NRG1: variants seen among roughly 807,000 people sequenced by gnomAD.
NRG1 encodes the protein neuregulin 1, also known as pro-neuregulin-1, membrane-bound isoform.
Under a neutral mutation model 63.8 loss-of-function variants are expected in NRG1, and 18 were observed. That is an observed-to-expected ratio of 0.28 (90% CI 0.19 to 0.42). The LOEUF (loss-of-function observed/expected upper bound fraction) is 0.42. NRG1 is among the 10% of genes least tolerant of loss of function. NRG1 has a pLI of 1.00. For synonymous variants in NRG1, 302 were observed against 301.3 expected (o/e 1.00, Z -0.02); for missense variants, 762 against 814.7 (o/e 0.94, Z 0.79).
chr8:32,225,637 A>T (rs758968349), intron 1 of NRG1, among the ~76,000 whole-genome samples: 5 of 152,172 alleles, frequency 3.3e-5, no homozygotes, highest in Non-Finnish European at 5.9e-5. Context: ...CCTTATATCA[A>T]TATCTGTTAA....
intron 1 of NRG1, among the ~76,000 whole-genome samples, chr8:32,185,832 G>A (rs893251067): frequency 6.6e-5 from 10 of 152,096 alleles, no homozygotes; most frequent in African/African-American, 2.4e-4. Flanking sequence ...TTTCTCCAGT[G>A]AAATAATGAA....
chr8:32,223,078 A>G (rs1385062336), intron 1 of NRG1, among the ~76,000 whole-genome samples: 1 of 152,254 alleles, frequency 6.6e-6, no homozygotes, highest in African/African-American at 2.4e-5. Flanking sequence ...AAAATACAAC[A>G]AAATAGCATG....
At chr8:32,175,429 G>T (rs1431839061) in intron 1 of NRG1, among the ~76,000 whole-genome samples, 1 of 152,146 alleles carries the variant, frequency 6.6e-6, no homozygotes, top group Non-Finnish European at 1.5e-5. Context: ...CACAAGACAG[G>T]GATGCCCTCT....
At chr8:32,042,923 T>A (rs926193579) in intron 1 of NRG1, among the ~76,000 whole-genome samples, 3 of 149,456 alleles carry the variant, frequency 2.0e-5, no homozygotes, top group African/African-American at 7.4e-5. Flanking sequence ...AGGTCTGATA[T>A]GTATGGCTTT....
chr8:32,359,082 G>T (rs1806863398), intron 1 of NRG1, among the ~76,000 whole-genome samples: 1 of 152,056 alleles, frequency 6.6e-6, no homozygotes, highest in African/African-American at 2.4e-5. Flanking sequence ...GAGAGATGGT[G>T]GGTGGACAAT....
chr8:31,726,156 A>G (rs1003543181), intron 1 of NRG1, among the ~76,000 whole-genome samples: 2 of 152,164 alleles, frequency 1.3e-5, no homozygotes, highest in East Asian at 1.9e-4. Flanking sequence ...AGGGGAAAAA[A>G]GAAAAGAACA....
At chr8:32,560,442 A>G (rs577190213) in intron 1 of NRG1, among the ~76,000 whole-genome samples, 9 of 152,344 alleles carry the variant, frequency 5.9e-5, no homozygotes, top group Admixed American at 1.3e-4. Flanking sequence ...AGGTGCCATC[A>G]TGGTGCTGAG....
intron 1 of NRG1, among the ~76,000 whole-genome samples, chr8:31,901,656 C>T (rs924651091): frequency 1.3e-5 from 2 of 152,080 alleles, no homozygotes; most frequent in Admixed American, 6.6e-5. Context: ...AACGAATGAA[C>T]GTAAGAAAAA....
chr8:32,688,422 TA>T, intron 5 of NRG1, among the ~76,000 whole-genome samples: 1 of 152,322 alleles, frequency 6.6e-6, no homozygotes, highest in Admixed American at 6.5e-5. Flanking sequence ...AGCAGCTTTT[TA>T]AAATGGTTAT....
intron 1 of NRG1, among the ~76,000 whole-genome samples, chr8:32,510,582 T>C (rs1406204871): frequency 6.6e-6 from 1 of 152,020 alleles, no homozygotes; most frequent in Non-Finnish European, 1.5e-5. Context: ...TGCCTGTTCT[T>C]TGGAGGAGTA....
At chr8:31,669,965 C>T (rs761867370) in intron 1 of NRG1, among the ~76,000 whole-genome samples, 1 of 152,098 alleles carries the variant, frequency 6.6e-6, no homozygotes, top group Admixed American at 6.6e-5. Flanking sequence ...TTCAGATTTT[C>T]AGATGAGGGA....
At chr8:32,018,530 A>G (rs191472273) in intron 1 of NRG1, among the ~76,000 whole-genome samples, 1 of 152,316 alleles carries the variant, frequency 6.6e-6, no homozygotes, top group Admixed American at 6.5e-5. Flanking sequence ...TGCAGAAAAT[A>G]TGTACTCTTT....
At chr8:31,798,144 G>A (rs1484854733) in intron 1 of NRG1, among the ~76,000 whole-genome samples, 3 of 152,088 alleles carry the variant, frequency 2.0e-5, no homozygotes, top group African/African-American at 7.2e-5. Context: ...GTGTTATGTG[G>A]CACTGTAGGG....
At chr8:32,130,452 C>T (rs1834659824) in intron 1 of NRG1, among the ~76,000 whole-genome samples, 1 of 151,774 alleles carries the variant, frequency 6.6e-6, no homozygotes, top group African/African-American at 2.4e-5. Context: ...ATTTGGGAAA[C>T]TACTTACTAA....
chr8:31,941,798 C>CA (rs1801789652), intron 1 of NRG1, among the ~76,000 whole-genome samples: 1 of 151,706 alleles, frequency 6.6e-6, no homozygotes, highest in Non-Finnish European at 1.5e-5. Flanking sequence ...ACAATATCAG[C>CA]AAAAAAATAA....
chr8:32,349,272 C>CA (rs1307899775), intron 1 of NRG1, among the ~76,000 whole-genome samples: 9 of 152,282 alleles, frequency 5.9e-5, no homozygotes, highest in African/African-American at 2.2e-4. Context: ...TATATCTTGG[C>CA]AGACTACATG....
At chr8:32,387,867 C>T (rs1563394693) in intron 1 of NRG1, among the ~76,000 whole-genome samples, 1 of 152,138 alleles carries the variant, frequency 6.6e-6, no homozygotes, top group Non-Finnish European at 1.5e-5. Context: ...GAGTTTACCA[C>T]CTGTGCTAAA....
chr8:31,933,611 TGA>T (rs1245977501), intron 1 of NRG1, among the ~76,000 whole-genome samples: 2 of 152,182 alleles, frequency 1.3e-5, no homozygotes, highest in Admixed American at 1.3e-4. Flanking sequence ...ATGAGGAAAC[TGA>T]GACACAGAGA....
intron 6 of NRG1, among the ~76,000 whole-genome samples, chr8:32,737,733 G>A (rs1351415882): frequency 7.2e-6 from 1 of 139,286 alleles, no homozygotes; most frequent in Non-Finnish European, 1.5e-5. Flanking sequence ...CTGGTATGTA[G>A]TGTTGTGGTC....
Sources: gnomAD v4.1 joint callset for allele counts (sites outside exome capture counted in the v4.1 genomes callset) on GRCh38, gnomAD v4.1.1 for gene constraint, MANE v1.5 for transcripts, NCBI Gene and HGNC (gene_info 2026-07-23, HGNC 2026-07-21) for gene names.